Variants in LSAMP observed in about 807,000 individuals in gnomAD.
LSAMP encodes limbic system associated membrane protein.
In LSAMP, 7 loss-of-function variants were observed where a neutral mutation model predicts 38.6. That is an observed-to-expected ratio of 0.18 (90% CI 0.10 to 0.34). LSAMP has a LOEUF of 0.34. Among genes scored for constraint, LSAMP ranks in the 10% least tolerant of loss-of-function variants. LSAMP has a pLI of 1.00. For synonymous variants in LSAMP, 154 were observed against 166.8 expected, an observed-to-expected ratio of 0.92 and a Z score of 0.59; for missense variants, 313 against 420.0, an observed-to-expected ratio of 0.75 and a Z score of 2.23.
intron 1 of LSAMP, among the ~76,000 whole-genome samples, chr3:116,229,135 TGA>T (rs1419394867): frequency 1.3e-5 from 2 of 152,146 alleles, no homozygotes; most frequent in Non-Finnish European, 2.9e-5. Context: ...TAACTTATCT[TGA>T]AAGTGTTTCT....
At chr3:116,166,340 C>T (rs879292644) in intron 1 of LSAMP, among the ~76,000 whole-genome samples, 1 of 152,178 alleles carries the variant, frequency 6.6e-6, no homozygotes, top group South Asian at 2.1e-4. Flanking sequence ...ATTATGATTC[C>T]TATTTTTTAG....
At chr3:116,028,834 A>G (rs1940853078) in intron 2 of LSAMP, among the ~76,000 whole-genome samples, 1 of 152,150 alleles carries the variant, frequency 6.6e-6, no homozygotes, top group African/African-American at 2.4e-5. Flanking sequence ...ATAATTAATC[A>G]TTAATTGTGG....
chr3:116,023,091 A>G (rs1361434816), intron 2 of LSAMP, among the ~76,000 whole-genome samples: 1 of 151,956 alleles, frequency 6.6e-6, no homozygotes, highest in Non-Finnish European at 1.5e-5. Context: ...GGTTTATGTC[A>G]TGTATGGAGG....
chr3:116,052,486 T>C (rs1941414319), intron 2 of LSAMP, among the ~76,000 whole-genome samples: 9 of 152,166 alleles, frequency 5.9e-5, no homozygotes. Context: ...ATATTTTTAA[T>C]ATAAATGTAC....
chr3:115,970,709 G>A (rs1282556137), intron 3 of LSAMP, among the ~76,000 whole-genome samples: 2 of 152,130 alleles, frequency 1.3e-5, no homozygotes, highest in African/African-American at 4.8e-5. Flanking sequence ...TCTGTGGGGT[G>A]TGAAAATTCA....
chr3:116,173,371 T>C (rs1710251401), intron 1 of LSAMP, among the ~76,000 whole-genome samples: 1 of 152,040 alleles, frequency 6.6e-6, no homozygotes, highest in Non-Finnish European at 1.5e-5. Context: ...GCCTTTTCAG[T>C]TTGCCAATTA....
intron 2 of LSAMP, among the ~76,000 whole-genome samples, chr3:116,050,815 CT>C: frequency 1.3e-5 from 2 of 152,264 alleles, no homozygotes; most frequent in South Asian, 4.1e-4. Flanking sequence ...GAAATTCTGT[CT>C]TTTTTCCAAG....
intron 1 of LSAMP, among the ~76,000 whole-genome samples, chr3:116,210,011 C>T (rs2046133919): frequency 6.6e-6 from 1 of 152,084 alleles, no homozygotes; most frequent in South Asian, 2.1e-4. Context: ...ACCTCGGCCT[C>T]GCAAAGTCCT....
chr3:116,052,874 A>T (rs1941422037), intron 2 of LSAMP, among the ~76,000 whole-genome samples: 1 of 152,212 alleles, frequency 6.6e-6, no homozygotes, highest in Non-Finnish European at 1.5e-5. Context: ...CCTGGTGCAG[A>T]GAATCAACCA....
chr3:116,073,430 T>C (rs1707660429), intron 2 of LSAMP, among the ~76,000 whole-genome samples: 1 of 152,212 alleles, frequency 6.6e-6, no homozygotes, highest in Non-Finnish European at 1.5e-5. Flanking sequence ...AATTTTAAAA[T>C]AGTTTTTTTC....
rs536883526 is a variant in LSAMP, at chr3:115,950,157, C to T, written c.514+69358G>A. On this transcript the variant is annotated intron_variant, in intron 3 of 6. Transcript: ENST00000490035. ...GAATGGAGAAAAGTTGAAAGAAATC[C>T]CCCTGAGAACTGGAATAAGATAAGG... Among the ~76,000 whole-genome samples the T allele has an allele frequency of 1.7e-4, 22 of 129,632 alleles. No homozygotes were observed. The South Asian group carries it at 4.3e-3, about 25-fold the overall frequency. 85.0% of individuals were successfully genotyped at this position (129,632 alleles called of 152,430 possible). A position where few individuals can be genotyped will look rare whatever the true frequency, so the allele number is the denominator to read the frequency against.
chr3:116,164,791 T>A (rs1710008584), intron 1 of LSAMP, among the ~76,000 whole-genome samples: 1 of 143,806 alleles, frequency 7.0e-6, no homozygotes. Context: ...GCATCTAGCT[T>A]AGTAAGGCTG....
At chr3:116,281,538 A>G (rs1030430580) in intron 1 of LSAMP, among the ~76,000 whole-genome samples, 5 of 152,226 alleles carry the variant, frequency 3.3e-5, no homozygotes, top group African/African-American at 1.2e-4. Flanking sequence ...GTGAAAATAA[A>G]CATGATGACA....
chr3:116,113,420 A>ATATTTTTTT (rs1553705042), intron 1 of LSAMP, among the ~76,000 whole-genome samples: 3 of 51,028 alleles, frequency 5.9e-5, no homozygotes, highest in African/African-American at 1.9e-4. Context: ...ATATATATAT[A>ATATTTTTTT]TTTTTTTTTT....
chr3:115,972,002 T>C (rs1939035574), intron 3 of LSAMP, among the ~76,000 whole-genome samples: 1 of 152,058 alleles, frequency 6.6e-6, no homozygotes, highest in South Asian at 2.1e-4. Flanking sequence ...TAAATAAAGA[T>C]GTAGAAAATA....
In LSAMP at chr3:116,078,355, C is replaced by T. The variant is rs1047140443; in HGVS notation, c.388+7969G>A. Among the ~76,000 whole-genome samples the T allele has an allele frequency of 2.6e-5, 4 of 151,296 alleles. No individual in the cohort carries two copies. The South Asian group carries it at 6.2e-4, about 24-fold the overall frequency. On this transcript the variant is annotated intron_variant, in intron 2 of 6. Transcript: ENST00000490035. ...ATTTATTTTTTTTGAGAAGGAGTCTCGCTCTGTTGCCCAGGCTGGAGCGCA... is the reference window on the plus strand; with the variant it reads ...ATTTATTTTTTTTGAGAAGGAGTCTTGCTCTGTTGCCCAGGCTGGAGCGCA...
chr3:115,885,583 G>T (rs1317677634), intron 3 of LSAMP, among the ~76,000 whole-genome samples: 1 of 145,850 alleles, frequency 6.9e-6, no homozygotes, highest in African/African-American at 2.5e-5. Flanking sequence ...CTGGATTCAT[G>T]CTGTCATCAG....
intron 1 of LSAMP, 30 bp downstream of exon 1, chr3:116,444,847 C>T: frequency 6.2e-7 from 1 of 1,613,548 alleles, no homozygotes; most frequent in Non-Finnish European, 8.5e-7. Flanking sequence ...TGTAGACGCG[C>T]GCAGCAGAAA....
At chr3:116,399,263 G>C (rs1301689967) in intron 1 of LSAMP, among the ~76,000 whole-genome samples, 1 of 152,190 alleles carries the variant, frequency 6.6e-6, no homozygotes, top group East Asian at 1.9e-4. Context: ...GATATGATTA[G>C]AGTAGAATCA....
Sources: allele counts gnomAD v4.1 joint callset (sites outside exome capture counted in the v4.1 genomes callset), GRCh38; gene constraint gnomAD v4.1.1; transcripts MANE v1.5; gene names NCBI Gene and HGNC (gene_info 2026-07-23, HGNC 2026-07-21).